Variants in CHLSN observed in about 807,000 individuals in gnomAD.
CHLSN encodes the protein protein cholesin.
the CHLSN span, among the ~76,000 whole-genome samples, chr7:1,133,604 AT>A: frequency 6.7e-6 from 1 of 149,972 alleles, no homozygotes; most frequent in Non-Finnish European, 1.5e-5. Context: ...CAAAAAAAAA[AT>A]TAGCCGGGCG....
At chr7:991,722 G>A in the CHLSN span, among the ~76,000 whole-genome samples, 1 of 152,340 alleles carries the variant, frequency 6.6e-6, no homozygotes, top group Non-Finnish European at 1.5e-5. Context: ...AATACACGTA[G>A]AGAAAATTCA....
chr7:1,114,462 G>A, the CHLSN span, among the ~76,000 whole-genome samples: 1 of 152,216 alleles, frequency 6.6e-6, no homozygotes, highest in Non-Finnish European at 1.5e-5. Flanking sequence ...GTTTAGACTC[G>A]GAGAATGAAA....
At chr7:1,090,226 T>TGTAGG in the CHLSN span, among the ~76,000 whole-genome samples, 1 of 152,238 alleles carries the variant, frequency 6.6e-6, no homozygotes, top group African/African-American at 2.4e-5. Context: ...CTTGGGCACC[T>TGTAGG]GTCCTAGGCA....
the CHLSN span, among the ~76,000 whole-genome samples, chr7:982,352 T>C: frequency 2.0e-5 from 3 of 152,228 alleles, no homozygotes; most frequent in Non-Finnish European, 4.4e-5. Context: ...AGACAGGCTG[T>C]GGGGAGGGTC....
the CHLSN span, among the ~76,000 whole-genome samples, chr7:1,081,724 T>A: frequency 3.4e-5 from 4 of 117,980 alleles, no homozygotes; most frequent in Admixed American, 3.2e-4. Flanking sequence ...CAGGGAGGCC[T>A]CTCGAACCCA....
the CHLSN span, among the ~76,000 whole-genome samples, chr7:980,147 C>T: frequency 6.6e-6 from 1 of 152,232 alleles, no homozygotes; most frequent in East Asian, 1.9e-4. Flanking sequence ...TCTGCCACAG[C>T]CGACAGGTGC....
chr7:1,137,795 G>A, the CHLSN span: 1 of 152,148 alleles, frequency 6.6e-6, no homozygotes, highest in African/African-American at 2.4e-5. Flanking sequence ...GTGGCACAGC[G>A]AGACACTGCC....
At chr7:1,119,427 T>A in the CHLSN span, among the ~76,000 whole-genome samples, 1 of 152,166 alleles carries the variant, frequency 6.6e-6, no homozygotes, top group African/African-American at 2.4e-5. Flanking sequence ...CTGGTCTTCA[T>A]CAAAATCGAA....
the CHLSN span, among the ~76,000 whole-genome samples, chr7:980,844 C>T: frequency 1.4e-4 from 22 of 152,112 alleles, no homozygotes; most frequent in East Asian, 5.9e-4. Flanking sequence ...CCCGCTATCA[C>T]GCCCGGCTAA....
At chr7:1,114,032 C>CTAGTGAGCA in the CHLSN span, among the ~76,000 whole-genome samples, 2 of 152,246 alleles carry the variant, frequency 1.3e-5, no homozygotes, top group African/African-American at 4.8e-5. Context: ...CCTCTTGTTG[C>CTAGTGAGCA]TCACTGATGC....
chr7:1,091,755 C>A, the CHLSN span: 2 of 1,540,824 alleles, frequency 1.3e-6, no homozygotes, highest in Non-Finnish European at 1.8e-6. Flanking sequence ...AAGCCCGGGG[C>A]GTGGGCCTGG....
the CHLSN span, among the ~76,000 whole-genome samples, chr7:1,087,456 C>T: frequency 8.5e-5 from 13 of 152,262 alleles, no homozygotes; most frequent in Admixed American, 2.0e-4. Flanking sequence ...ACACCTTATA[C>T]ACACTGCCTG....
the CHLSN span, chr7:984,952 A>G: frequency 5.0e-6 from 8 of 1,598,174 alleles, no homozygotes; most frequent in Admixed American, 8.4e-5. Flanking sequence ...GCCTACAGGC[A>G]TCTTCTTCTC....
At chr7:1,136,455 C>CATATATAA in the CHLSN span, among the ~76,000 whole-genome samples, 2 of 99,872 alleles carry the variant, frequency 2.0e-5, no homozygotes, top group African/African-American at 9.3e-5. Context: ...TATATATAAA[C>CATATATAA]ATATATAAAC....
the CHLSN span, among the ~76,000 whole-genome samples, chr7:1,071,744 G>A: frequency 6.6e-6 from 1 of 152,194 alleles, no homozygotes; most frequent in Non-Finnish European, 1.5e-5. Flanking sequence ...TCAGTCAAGT[G>A]ACCACATTCG....
the CHLSN span, among the ~76,000 whole-genome samples, chr7:992,693 C>T: frequency 6.6e-6 from 1 of 152,226 alleles, no homozygotes; most frequent in Non-Finnish European, 1.5e-5. Context: ...CTGGGCCCTC[C>T]CCGTGATTGC....
chr7:1,060,532 G>GGGAC, the CHLSN span, among the ~76,000 whole-genome samples: 1 of 152,162 alleles, frequency 6.6e-6, no homozygotes. Flanking sequence ...CATCGACGTG[G>GGGAC]GGACGTCACG....
At chr7:985,510 G>C in the CHLSN span, among the ~76,000 whole-genome samples, 1 of 152,164 alleles carries the variant, frequency 6.6e-6, no homozygotes, top group African/African-American at 2.4e-5. Flanking sequence ...CCTCAAACCA[G>C]CCCCTGTGCT....
the CHLSN span, among the ~76,000 whole-genome samples, chr7:1,095,504 T>G: frequency 1.3e-5 from 2 of 152,152 alleles, no homozygotes; most frequent in Non-Finnish European, 2.9e-5. Context: ...CTGTCAGGCA[T>G]TCCCCACACA....
Sources: gnomAD v4.1 joint callset for allele counts (sites outside exome capture counted in the v4.1 genomes callset) on GRCh38, gnomAD v4.1.1 for gene constraint, MANE v1.5 for transcripts, NCBI Gene and HGNC (gene_info 2026-07-23, HGNC 2026-07-21) for gene names.